SHTN1: variants seen among roughly 807,000 people sequenced by gnomAD.
SHTN1 encodes the protein shootin-1.
A neutral mutation model predicts 83.1 loss-of-function variants in SHTN1; 42 were observed. The ratio of observed to expected loss-of-function variants is 0.51; its 90% CI spans 0.39 to 0.65. The LOEUF (loss-of-function observed/expected upper bound fraction) is 0.65. SHTN1 is among the 30% of genes least tolerant of loss of function. The probability of loss-of-function intolerance (pLI) is 0.00; values close to 1 mark genes in which losing one functional copy is unlikely to be tolerated. For synonymous variants in SHTN1, 224 were observed against 247.7 expected (o/e 0.90, Z 0.90); for missense variants, 622 against 737.8 (o/e 0.84, Z 1.82).
At chr10:117,093,724 T>C (rs1340056200) in intron 1 of SHTN1, among the ~76,000 whole-genome samples, 1 of 152,150 alleles carries the variant, frequency 6.6e-6, no homozygotes, top group East Asian at 1.9e-4. Flanking sequence ...TTGTGGACAA[T>C]GCATTGGAAC....
chr10:117,024,325 T>G (rs1254147151), intron 2 of SHTN1, among the ~76,000 whole-genome samples: 1 of 151,186 alleles, frequency 6.6e-6, no homozygotes, highest in South Asian at 2.1e-4. Flanking sequence ...GTTGTACAGA[T>G]GTATACACTT....
chr10:117,029,859 T>G (rs903316274), intron 2 of SHTN1, among the ~76,000 whole-genome samples: 2 of 149,854 alleles, frequency 1.3e-5, no homozygotes, highest in African/African-American at 4.9e-5. Context: ...TCTCTCTCTC[T>G]CCCTCCCTCC....
At position 117,119,702 on chromosome 10, in the gene SHTN1, T is replaced by C. The variant is rs556418328; in HGVS notation, c.-189+6605A>G. On this transcript the variant is annotated intron_variant, in intron 1 of 17. Coordinates refer to the SHTN1 transcript ENST00000392901. The stretch of plus-strand genomic sequence containing the variant: ...AGAAAAGAAATCAGTACATCAAAAG[T>C]ATATCAAAGGGATATCTGCACTCCC... Among the ~76,000 whole-genome samples, 279 of 152,308 alleles carry C rather than the reference T, an allele frequency of 1.8e-3. 2 individuals carry two copies. The highest frequency in any genetic ancestry group is 4.9e-4 in the Non-Finnish European group (33 of 68,024).
chr10:116,983,679 G>A (rs201035660), intron 1 of SHTN1, among the ~76,000 whole-genome samples: 198 of 17,968 alleles, frequency 0.011, 1 homozygote, highest in African/African-American at 0.015. Context: ...TAGATAGATA[G>A]ATAGATAAAT....
chr10:116,990,394 A>C (rs1851386608), intron 1 of SHTN1, among the ~76,000 whole-genome samples: 1 of 151,070 alleles, frequency 6.6e-6, no homozygotes, highest in Non-Finnish European at 1.5e-5. Flanking sequence ...GCAACAAGCA[A>C]GGTTTTTCTC....
rs893846518 is a variant in SHTN1 at position 116,884,014 on chromosome 10, C to G, written c.*2330G>C. ...TCGGGCTATAAAATGCATCAACATT[C>G]GTTTTTCTTAAAGAAAAAAAATCCT... On this transcript the variant is annotated 3_prime_UTR_variant, in exon 17 of 17. Transcript: ENST00000355371. 1 of 228,516 alleles carries G rather than the reference C, an allele frequency of 4.4e-6. No individual in the cohort carries two copies. The highest frequency in any genetic ancestry group is 9.1e-6 in the Non-Finnish European group (1 of 109,348). The allele number at this position is 228,516 out of a possible 1,614,324, so 14.2% of individuals were successfully genotyped here. A position where few individuals can be genotyped will look rare whatever the true frequency, so the allele number is the denominator to read the frequency against.
At chr10:116,995,390 T>C (rs1438894395) in intron 1 of SHTN1, among the ~76,000 whole-genome samples, 1 of 152,192 alleles carries the variant, frequency 6.6e-6, no homozygotes, top group African/African-American at 2.4e-5. Flanking sequence ...TACATGGGAC[T>C]AACATGATGA....
At chr10:117,031,721 C>T (rs1339176309) in intron 2 of SHTN1, among the ~76,000 whole-genome samples, 1 of 152,034 alleles carries the variant, frequency 6.6e-6, no homozygotes, top group African/African-American at 2.4e-5. Flanking sequence ...AGCCTCATGG[C>T]AACTTCAAAC....
intron 16 of SHTN1, chr10:116,900,814 G>C (rs1256034549): frequency 1.0e-6 from 1 of 985,214 alleles, no homozygotes; most frequent in African/African-American, 1.7e-5. Context: ...AGTGAAATTA[G>C]ATAAAACTGT....
intron 1 of SHTN1, among the ~76,000 whole-genome samples, chr10:117,059,327 A>C (rs1317469887): frequency 6.6e-6 from 1 of 152,180 alleles, no homozygotes; most frequent in African/African-American, 2.4e-5. Context: ...CTAAACATGC[A>C]ACTACAACAT....
At chr10:117,022,298 T>C (rs1212019527) in intron 2 of SHTN1, among the ~76,000 whole-genome samples, 2 of 152,228 alleles carry the variant, frequency 1.3e-5, no homozygotes, top group Non-Finnish European at 2.9e-5. Flanking sequence ...GTACATGCAG[T>C]GCTAATATCT....
intron 16 of SHTN1, chr10:116,900,783 A>G: frequency 1.0e-6 from 1 of 985,308 alleles, no homozygotes; most frequent in African/African-American, 1.7e-5. Flanking sequence ...TGACTACAGG[A>G]GAAAATGTGC....
chr10:117,063,676 C>T (rs1852932831), intron 1 of SHTN1, among the ~76,000 whole-genome samples: 1 of 152,070 alleles, frequency 6.6e-6, no homozygotes, highest in Non-Finnish European at 1.5e-5. Context: ...TCCCAACTAC[C>T]CCCAGGCCTC....
intron 9 of SHTN1, among the ~76,000 whole-genome samples, chr10:116,932,139 G>T (rs940570073): frequency 6.6e-6 from 1 of 152,144 alleles, no homozygotes; most frequent in Non-Finnish European, 1.5e-5. Context: ...CCTCTGCAGC[G>T]GCAGCCAGCC....
intron 11 of SHTN1, among the ~76,000 whole-genome samples, chr10:116,923,596 C>T (rs147672500): frequency 1.3e-5 from 2 of 151,688 alleles, no homozygotes; most frequent in East Asian, 3.9e-4. Context: ...CACTCTGTTG[C>T]CCATGCTGGA....
At chr10:117,003,966 C>T (rs902879693) in intron 1 of SHTN1, among the ~76,000 whole-genome samples, 3 of 152,134 alleles carry the variant, frequency 2.0e-5, no homozygotes, top group Admixed American at 6.5e-5. Context: ...GCCATCTTGG[C>T]TCACCGCAAC....
chr10:116,915,188 A>G (rs1250604084), intron 13 of SHTN1, among the ~76,000 whole-genome samples, 187 bp downstream of exon 13: 3 of 152,218 alleles, frequency 2.0e-5, no homozygotes, highest in African/African-American at 7.2e-5. Context: ...CTTCCTTTTT[A>G]TACTGATTTA....
At chr10:117,112,384 G>GT (rs986907753) in intron 1 of SHTN1, among the ~76,000 whole-genome samples, 2 of 152,078 alleles carry the variant, frequency 1.3e-5, no homozygotes, top group African/African-American at 4.8e-5. Context: ...ACAAAGGTTG[G>GT]TATCACATAT....
At chr10:117,105,392 T>C (rs1779031467) in intron 1 of SHTN1, among the ~76,000 whole-genome samples, 1 of 152,224 alleles carries the variant, frequency 6.6e-6, no homozygotes, top group Non-Finnish European at 1.5e-5. Flanking sequence ...ATTATCTTAT[T>C]GAATATTCCT....
Sources: allele counts gnomAD v4.1 joint callset (sites outside exome capture counted in the v4.1 genomes callset), GRCh38; gene constraint gnomAD v4.1.1; transcripts MANE v1.5; gene names NCBI Gene and HGNC (gene_info 2026-07-23, HGNC 2026-07-21).